Variants in FGD1 observed in about 807,000 individuals in gnomAD.
FGD1 encodes FYVE, RhoGEF and PH domain containing 1, also known as FYVE, RhoGEF and PH domain-containing protein 1.
Under a neutral mutation model 65.0 loss-of-function variants are expected in FGD1, and 12 were observed. The observed-to-expected ratio is 0.18, with a 90% confidence interval of 0.12 to 0.30. FGD1 has a LOEUF of 0.30. Among genes scored for constraint, FGD1 ranks in the 10% least tolerant of loss-of-function variants. The pLI is 1.00. For missense variants in FGD1, 542 were observed against 837.6 expected, an observed-to-expected ratio of 0.65 and a Z score of 4.36; for synonymous variants, 333 against 343.9, an observed-to-expected ratio of 0.97 and a Z score of 0.35.
rs1394864508 is a variant in FGD1 at position 54,455,679 on chromosome X, C to G, written c.1935+13G>C. The G allele has an allele frequency of 8.5e-6, 10 of 1,182,403 alleles. No individual in the cohort carries two copies. The highest frequency in any genetic ancestry group is 9.1e-6 in the Non-Finnish European group (8 of 876,937). On this transcript the variant is annotated intron_variant, in intron 11 of 17. Coordinates refer to ENST00000375135, the MANE Select transcript of FGD1 (RefSeq NM_004463.3). ...CACTCCAAGTTCCCATTTCCCACCTCTTGGATGCTTACCTCCATGCCATCT... is the reference window on the plus strand; with the variant it reads ...CACTCCAAGTTCCCATTTCCCACCTGTTGGATGCTTACCTCCATGCCATCT...
intron 12 of FGD1, among the ~76,000 whole-genome samples, chrX:54,455,247 C>T (rs1446642399): frequency 8.9e-6 from 1 of 112,215 alleles, no homozygotes; most frequent in Non-Finnish European, 1.9e-5. Context: ...GCCACCTTTC[C>T]CCATATCGTG....
At chrX:54,452,827 C>T (rs1332537953) in intron 12 of FGD1, among the ~76,000 whole-genome samples, 1 of 110,753 alleles carries the variant, frequency 9.0e-6, no homozygotes, top group African/African-American at 3.3e-5. Context: ...GGCTATCCCC[C>T]AAGCCAATTA....
Position 54,451,021 on chromosome X carries a change from C to T in FGD1, c.2016-720G>A, listed in dbSNP as rs1045481619. 5.5e-5 allele frequency among the ~76,000 whole-genome samples: 6 copies of T among 110,039 alleles called. No homozygotes were observed. In the South Asian group the frequency reaches 1.2e-3, roughly 22 times the overall value. ...CGGAGATCGTCCCACTGCACTCCAG[C>T]CTGGGTGACAGAGTGAGACTCTGTC... On this transcript the variant is annotated intron_variant, in intron 12 of 17. Transcript: ENST00000375135.
chrX:54,449,050 C>T lies in FGD1; in HGVS notation c.2275-83G>A, dbSNP rs934603263. The T allele has an allele frequency of 5.8e-6, 7 of 1,197,933 alleles. No individual in the cohort carries two copies. In the African/African-American group the frequency reaches 1.1e-4, roughly 18 times the overall value. ...CCAACTCCCACAGCAGACTTGTGGCCTCCCCCCACTTGGAGGGTACCCACT... is the reference window on the plus strand; with the variant it reads ...CCAACTCCCACAGCAGACTTGTGGCTTCCCCCCACTTGGAGGGTACCCACT... On this transcript the variant is annotated intron_variant, in intron 15 of 17. Coordinates refer to ENST00000375135, the MANE Select transcript of FGD1 (RefSeq NM_004463.3).
In FGD1 at chrX:54,451,164, C is replaced by T. The variant is rs776566004; in HGVS notation, c.2016-863G>A. On this transcript the variant is annotated intron_variant, in intron 12 of 17. Coordinates refer to ENST00000375135, the MANE Select transcript of FGD1 (RefSeq NM_004463.3). ...CACTCTCTGGGTTCTCAGCAGTAAC[C>T]GAGGTAACGTGTACAGTGCTCAGCA... Among the ~76,000 whole-genome samples the T allele has an allele frequency of 2.9e-4, 32 of 111,284 alleles. No individual in the cohort carries two copies. In the South Asian group the frequency reaches 0.012, roughly 40 times the overall value.
Position 54,494,986 on chromosome X carries a change from G to T in FGD1, c.307+140C>A, listed in dbSNP as rs1044786353. On this transcript the variant is annotated intron_variant, in intron 1 of 17. Coordinates refer to ENST00000375135, the MANE Select transcript of FGD1 (RefSeq NM_004463.3). ...ATAAGGCCAAGGGACGTGGGGAGGA[G>T]GAGGGGTTTGAGGGAACCCAAAGGG... 3 of 576,605 alleles carry T rather than the reference G, an allele frequency of 5.2e-6. No homozygotes were observed. In the African/African-American group the frequency reaches 6.8e-5, roughly 13 times the overall value. The allele number at this position is 576,605 out of a possible 1,213,427, so 47.5% of individuals were successfully genotyped here. A position where few individuals can be genotyped will look rare whatever the true frequency, so the allele number is the denominator to read the frequency against.
At chrX:54,471,653 A>G (rs1188599102) in intron 1 of FGD1, among the ~76,000 whole-genome samples, 166 bp from the exon 2 acceptor site, 1 of 111,736 alleles carries the variant, frequency 8.9e-6, no homozygotes, top group African/African-American at 3.3e-5. Context: ...CCTAGCCCTC[A>G]GATGGAGAGC....
intron 14 of FGD1, 96 bp from the exon 15 acceptor site, chrX:54,449,364 G>A (rs978473665): frequency 8.4e-6 from 9 of 1,070,435 alleles, no homozygotes; most frequent in African/African-American, 3.7e-5. Flanking sequence ...TTATCATGGG[G>A]TGGGGATGGG....
At position 54,458,540 on chromosome X, in the gene FGD1, CAAAAAAAAA is replaced by C. The variant is rs774218099; in HGVS notation, c.1637-1982_1637-1974del. Among the ~76,000 whole-genome samples the C allele has an allele frequency of 2.8e-3, 50 of 17,589 alleles. 1 individual carries two copies. The highest frequency in any genetic ancestry group is 5.2e-3 in the Non-Finnish European group (46 of 8,863). 15.3% of individuals were successfully genotyped at this position (17,589 alleles called of 115,157 possible). On this transcript the variant is annotated intron_variant, in intron 8 of 17. Transcript: ENST00000375135. ...TGGGTGACAGAGCGAGACTACGTCT[CAAAAAAAAA>C]AAAAAAAAAAAAAAAAGACTCAAAG...
At chrX:54,458,111 G>A (rs938033136) in intron 8 of FGD1, among the ~76,000 whole-genome samples, 3 of 112,338 alleles carry the variant, frequency 2.7e-5, no homozygotes, top group Non-Finnish European at 5.6e-5. Flanking sequence ...TTCAGGGGCC[G>A]GGCTCCAATC....
chrX:54,482,405 C>T (rs1249978074), intron 1 of FGD1, among the ~76,000 whole-genome samples: 1 of 112,036 alleles, frequency 8.9e-6, no homozygotes, highest in Non-Finnish European at 1.9e-5. Flanking sequence ...GCTCCACCCC[C>T]GCCCATCTCC....
chrX:54,451,441 T>C (rs1463672946), intron 12 of FGD1, among the ~76,000 whole-genome samples: 1 of 108,753 alleles, frequency 9.2e-6, no homozygotes, highest in Admixed American at 9.7e-5. Flanking sequence ...TGTGCCACCA[T>C]GCCTGGCTAA....
intron 17 of FGD1, among the ~76,000 whole-genome samples, chrX:54,447,078 C>G (rs916827006): frequency 5.4e-5 from 6 of 111,766 alleles, no homozygotes; most frequent in African/African-American, 1.9e-4. Context: ...CCCATCTCTA[C>G]TCCTTCCAGG....
At chrX:54,489,315 C>T (rs980228355) in intron 1 of FGD1, among the ~76,000 whole-genome samples, 3 of 112,626 alleles carry the variant, frequency 2.7e-5, no homozygotes, top group African/African-American at 9.7e-5. Flanking sequence ...GGCGTGGTGG[C>T]TCACGCCTAT....
At chrX:54,494,385 A>T in intron 1 of FGD1, among the ~76,000 whole-genome samples, 1 of 100,253 alleles carries the variant, frequency 1.0e-5, no homozygotes. Context: ...TCAACCTTGG[A>T]TCAATCCACC....
At chrX:54,460,426 G>A (rs756113262) in intron 8 of FGD1, among the ~76,000 whole-genome samples, 4 of 105,531 alleles carry the variant, frequency 3.8e-5, no homozygotes, top group Middle Eastern at 5.8e-3. Context: ...GCGAAAGAGC[G>A]AGACTCAGTC....
rs1922502202 is a variant in FGD1, at chrX:54,456,371, C to T, written c.1696-5G>A. On this transcript the variant is annotated splice_region_variant and splice_polypyrimidine_tract_variant and intron_variant, in intron 9 of 17. Coordinates refer to ENST00000375135, the MANE Select transcript of FGD1 (RefSeq NM_004463.3). ...CAGCAGCTTATGCATTCGCTCCTGGCAAAAGACAGGGAACAAAAGGCACGG... is the reference window on the plus strand; with the variant it reads ...CAGCAGCTTATGCATTCGCTCCTGGTAAAAGACAGGGAACAAAAGGCACGG... The T allele has an allele frequency of 5.0e-6, 6 of 1,210,015 alleles. No homozygotes were observed. The highest frequency in any genetic ancestry group is 6.7e-6 in the Non-Finnish European group (6 of 895,289).
chrX:54,477,475 G>A (rs1223623052), intron 1 of FGD1, among the ~76,000 whole-genome samples: 2 of 109,862 alleles, frequency 1.8e-5, no homozygotes. Context: ...TGTTACCTAG[G>A]CTGGAGTACA....
intron 1 of FGD1, among the ~76,000 whole-genome samples, chrX:54,475,270 G>A (rs899615508): frequency 1.8e-5 from 2 of 112,678 alleles, no homozygotes; most frequent in Admixed American, 1.9e-4. Context: ...GTCAGAGAGA[G>A]AGGCAGTGAC....
Sources: allele counts gnomAD v4.1 joint callset (sites outside exome capture counted in the v4.1 genomes callset), GRCh38; gene constraint gnomAD v4.1.1; transcripts MANE v1.5; gene names NCBI Gene and HGNC (gene_info 2026-07-23, HGNC 2026-07-21).